CYP7B1: variants seen among roughly 807,000 people sequenced by gnomAD.
The protein encoded by CYP7B1 is cytochrome P450 family 7 subfamily B member 1.
In CYP7B1, 29 loss-of-function variants were observed where a neutral mutation model predicts 42.7. The observed-to-expected ratio is 0.68, with a 90% CI of 0.51 to 0.93. The LOEUF is 0.93. Among genes scored for constraint, CYP7B1 ranks in the 40% least tolerant of loss-of-function variants. The pLI is 0.00. For synonymous variants in CYP7B1, 235 were observed against 218.2 expected, an observed-to-expected ratio of 1.08 and a Z score of -0.68; for missense variants, 655 against 600.5, an observed-to-expected ratio of 1.09 and a Z score of -0.95.
At chr8:64,649,375 C>T (rs1393011201) in intron 1 of CYP7B1, among the ~76,000 whole-genome samples, 3 of 152,136 alleles carry the variant, frequency 2.0e-5, no homozygotes, top group African/African-American at 7.2e-5. Context: ...TATGTTGTTA[C>T]ATATTGCGGA....
At chr8:64,644,602 T>A (rs1278088535) in intron 1 of CYP7B1, among the ~76,000 whole-genome samples, 1 of 152,188 alleles carries the variant, frequency 6.6e-6, no homozygotes, top group Non-Finnish European at 1.5e-5. Context: ...CTAGGTGTGT[T>A]GTCAATAAGC....
chr8:64,754,194 C>T (rs925752501), intron 1 of CYP7B1, among the ~76,000 whole-genome samples: 1 of 152,112 alleles, frequency 6.6e-6, no homozygotes, highest in Non-Finnish European at 1.5e-5. Context: ...ATAGGATGCT[C>T]GTTCTATTCT....
At chr8:64,755,087 T>C (rs1563416339) in intron 1 of CYP7B1, among the ~76,000 whole-genome samples, 1 of 152,124 alleles carries the variant, frequency 6.6e-6, no homozygotes, top group Non-Finnish European at 1.5e-5. Flanking sequence ...TGGCAAATCA[T>C]GGTAAGTTCA....
rs748185764 is a variant in CYP7B1 at position 64,615,781 on chromosome 8, A to T, written c.760T>A (p.Leu254Ile). The T allele has an allele frequency of 3.1e-6, 5 of 1,613,642 alleles. No individual in the cohort carries two copies. The highest frequency in any genetic ancestry group is 3.3e-5 in the Admixed American group (2 of 59,980). Residue 254 changes from leucine (L) to isoleucine (I), a missense_variant, in exon 3 of 6, where the codon TTA (leucine) becomes ATA (isoleucine). Transcript: ENST00000310193. ...TCTGACCATCCTTGCATCTTGGCTAACTTTTCTGATGAGAAGCATTTTATA... is the reference window on the plus strand; with the variant it reads ...TCTGACCATCCTTGCATCTTGGCTATCTTTTCTGATGAGAAGCATTTTATA... ...KIIKCFSSEKLAKMQGWSEVF... is the reference protein window; with the variant it reads ...KIIKCFSSEKIAKMQGWSEVF...
rs58014257 is a variant in CYP7B1, at chr8:64,702,120, G to A, written c.123-77581C>T. 7.7e-3 allele frequency among the ~76,000 whole-genome samples: 1,170 copies of A among 152,054 alleles called. 10 individuals carry two copies. The highest frequency in any genetic ancestry group is 0.027 in the African/African-American group (1,110 of 41,494). On this transcript the variant is annotated intron_variant, in intron 1 of 5. Transcript: ENST00000310193. ...TTTATGGGAAGGGGAGGCTTTAATG[G>A]CACATATCTAACAAATAAACATGAC... is the stretch of plus-strand genomic sequence containing the variant.
At chr8:64,705,124 C>T (rs1431752975) in intron 1 of CYP7B1, among the ~76,000 whole-genome samples, 1 of 151,888 alleles carries the variant, frequency 6.6e-6, no homozygotes, top group Admixed American at 6.6e-5. Context: ...GAAGCACTTC[C>T]TCGGGGCCAA....
At chr8:64,662,251 T>A (rs1464874079) in intron 1 of CYP7B1, among the ~76,000 whole-genome samples, 1 of 152,188 alleles carries the variant, frequency 6.6e-6, no homozygotes, top group Non-Finnish European at 1.5e-5. Flanking sequence ...GAGGATTACT[T>A]GAGCCTGGGA....
At chr8:64,684,934 G>C (rs1040599295) in intron 1 of CYP7B1, among the ~76,000 whole-genome samples, 4 of 152,150 alleles carry the variant, frequency 2.6e-5, no homozygotes. Context: ...ACAATGACAA[G>C]TTTTCACCAG....
intron 1 of CYP7B1, among the ~76,000 whole-genome samples, chr8:64,783,341 A>G (rs1476582010): frequency 6.6e-6 from 1 of 152,182 alleles, no homozygotes; most frequent in Non-Finnish European, 1.5e-5. Flanking sequence ...ATGTCAACAA[A>G]TCAACATTTC....
intron 1 of CYP7B1, among the ~76,000 whole-genome samples, chr8:64,723,995 A>G (rs992462542): frequency 2.6e-5 from 4 of 152,144 alleles, no homozygotes; most frequent in East Asian, 3.9e-4. Context: ...CTCCACATAC[A>G]TGGGTGTATA....
chr8:64,597,482 A>G (rs181187819), intron 5 of CYP7B1, among the ~76,000 whole-genome samples: 12 of 152,350 alleles, frequency 7.9e-5, no homozygotes, highest in Admixed American at 3.9e-4. Flanking sequence ...ATTCAGATAA[A>G]GCACTAGAGA....
intron 1 of CYP7B1, among the ~76,000 whole-genome samples, chr8:64,658,580 A>T (rs1456925171): frequency 6.6e-6 from 1 of 151,990 alleles, no homozygotes; most frequent in Non-Finnish European, 1.5e-5. Context: ...TATCCTTTGC[A>T]TTTTCAATGT....
chr8:64,776,011 A>G (rs1453045751), intron 1 of CYP7B1, among the ~76,000 whole-genome samples: 1 of 152,160 alleles, frequency 6.6e-6, no homozygotes, highest in Admixed American at 6.6e-5. Context: ...TGGGTGCTCC[A>G]TTAATGCTTA....
At chr8:64,676,298 C>G (rs554850408) in intron 1 of CYP7B1, among the ~76,000 whole-genome samples, 1 of 152,180 alleles carries the variant, frequency 6.6e-6, no homozygotes, top group East Asian at 1.9e-4. Context: ...TAAAGTGCTT[C>G]CTGATGACTA....
Position 64,787,316 on chromosome 8 carries a change from C to T in CYP7B1, c.122+11150G>A, listed in dbSNP as rs533005595. Reference sequence around the variant, plus strand: ...GCTCTGCTTCCTCTTGAACACATTGCCACTTAGAAATTTCTTCCACCAGAT... The same window carrying T: ...GCTCTGCTTCCTCTTGAACACATTGTCACTTAGAAATTTCTTCCACCAGAT... On this transcript the variant is annotated intron_variant, in intron 1 of 5. Transcript: ENST00000310193. Among the ~76,000 whole-genome samples the T allele has an allele frequency of 2.6e-5, 4 of 152,282 alleles. No individual in the cohort carries two copies. The East Asian group carries it at 5.8e-4, about 22-fold the overall frequency.
At chr8:64,715,548 C>T (rs1356240925) in intron 1 of CYP7B1, among the ~76,000 whole-genome samples, 1 of 152,172 alleles carries the variant, frequency 6.6e-6, no homozygotes, top group Admixed American at 6.5e-5. Context: ...GAAAGAACAT[C>T]CCATTTTGCT....
intron 1 of CYP7B1, among the ~76,000 whole-genome samples, chr8:64,707,779 A>C (rs1807022596): frequency 6.6e-6 from 1 of 152,086 alleles, no homozygotes; most frequent in African/African-American, 2.4e-5. Flanking sequence ...GCTATGACCA[A>C]TCACAAACTC....
At chr8:64,735,308 G>A (rs1032278014) in intron 1 of CYP7B1, among the ~76,000 whole-genome samples, 4 of 152,166 alleles carry the variant, frequency 2.6e-5, no homozygotes, top group Non-Finnish European at 4.4e-5. Flanking sequence ...AGACACAGGA[G>A]AGGGTCAAAA....
chr8:64,737,254 C>A (rs1408395587), intron 1 of CYP7B1, among the ~76,000 whole-genome samples: 2 of 152,148 alleles, frequency 1.3e-5, no homozygotes, highest in Non-Finnish European at 2.9e-5. Context: ...AGGCATGGGC[C>A]ACCATGCCTG....
Sources: allele counts gnomAD v4.1 joint callset (sites outside exome capture counted in the v4.1 genomes callset), GRCh38; gene constraint gnomAD v4.1.1; transcripts MANE v1.5; gene names NCBI Gene and HGNC (gene_info 2026-07-23, HGNC 2026-07-21).